DOCK2: variants seen among roughly 807,000 people sequenced by gnomAD.
DOCK2 encodes dedicator of cytokinesis 2.
In DOCK2, 87 loss-of-function variants were observed where a neutral mutation model predicts 248.9. That is an observed-to-expected ratio of 0.35 (90% CI 0.29 to 0.42). DOCK2 has a LOEUF of 0.42. DOCK2 is among the 10% of genes least tolerant of loss of function. The pLI is 1.00. For synonymous variants in DOCK2, 805 were observed against 821.6 expected, an observed-to-expected ratio of 0.98 and a Z score of 0.35; for missense variants, 1,747 against 2,300.2, an observed-to-expected ratio of 0.76 and a Z score of 4.92.
At chr5:169,698,728 A>C (rs1760782026) in intron 11 of DOCK2, among the ~76,000 whole-genome samples, 1 of 152,264 alleles carries the variant, frequency 6.6e-6, no homozygotes, top group Non-Finnish European at 1.5e-5. Context: ...AGTAGTGAAC[A>C]AGATGGGCCC....
rs148818837 is a variant in DOCK2 at position 169,908,622 on chromosome 5, A to G, written c.2799+67770A>G. On this transcript the variant is annotated intron_variant, in intron 27 of 51. Transcript: ENST00000520908. The stretch of plus-strand genomic sequence containing the variant: ...CAACATATTGCAATATGGAATCATG[A>G]CCAATGTTGCAAAACTAAGGATACA... 1.6e-3 allele frequency among the ~76,000 whole-genome samples: 241 copies of G among 152,184 alleles called. 2 individuals carry two copies. Among genetic ancestry groups the G allele is most frequent in the African/African-American group, 5.6e-3 (232 of 41,532 alleles).
intron 36 of DOCK2, among the ~76,000 whole-genome samples, chr5:170,039,562 C>T (rs1756443662): frequency 6.6e-6 from 1 of 152,226 alleles, no homozygotes; most frequent in South Asian, 2.1e-4. Flanking sequence ...AGCACAGCAG[C>T]TATCAAATCA....
At chr5:169,810,981 TCTCTCTCTCA>T (rs374348280) in intron 26 of DOCK2, among the ~76,000 whole-genome samples, 12,125 of 141,876 alleles carry the variant, frequency 0.085, 534 homozygotes, top group African/African-American at 0.15. Flanking sequence ...ACTCTCTCTC[TCTCTCTCTCA>T]CACACACACA....
intron 1 of DOCK2, among the ~76,000 whole-genome samples, chr5:169,639,637 A>G (rs1757042466): frequency 6.6e-6 from 1 of 152,228 alleles, no homozygotes; most frequent in Non-Finnish European, 1.5e-5. Context: ...AAAGAAGGTC[A>G]TGGCTTTTCC....
intron 27 of DOCK2, among the ~76,000 whole-genome samples, chr5:169,937,848 A>G (rs1293849132): frequency 2.6e-5 from 4 of 152,178 alleles, no homozygotes; most frequent in Admixed American, 2.6e-4. Context: ...CACTGAAATC[A>G]AATATTTCTT....
At chr5:169,838,795 A>C (rs1769758549) in intron 26 of DOCK2, among the ~76,000 whole-genome samples, 1 of 152,210 alleles carries the variant, frequency 6.6e-6, no homozygotes, top group Non-Finnish European at 1.5e-5. Context: ...AGGGCTAGAG[A>C]GTCTGGGAGT....
intron 27 of DOCK2, among the ~76,000 whole-genome samples, chr5:169,972,409 A>AT (rs879924245): frequency 6.6e-6 from 1 of 152,188 alleles, no homozygotes; most frequent in Admixed American, 6.5e-5. Flanking sequence ...ATTGTAGGAT[A>AT]TTTTAGCAGC....
chr5:169,747,349 G>T (rs751797583), intron 22 of DOCK2, 47 bp from the exon 23 acceptor site: 5 of 1,549,712 alleles, frequency 3.2e-6, no homozygotes, highest in Non-Finnish European at 4.4e-6. Flanking sequence ...ACTTTTAAAA[G>T]TATTGTCTGT....
chr5:169,747,288 C>G, intron 22 of DOCK2, 108 bp from the exon 23 acceptor site: 1 of 945,690 alleles, frequency 1.1e-6, no homozygotes, highest in Non-Finnish European at 1.6e-6. Context: ...AAGTCCCCAC[C>G]TCCCACTCCT....
intron 27 of DOCK2, among the ~76,000 whole-genome samples, chr5:169,902,984 GC>G (rs1294698624): frequency 2.0e-5 from 3 of 152,078 alleles, no homozygotes; most frequent in Middle Eastern, 3.2e-3. Context: ...TGTAGTCCCA[GC>G]TACTCGGGAG....
At chr5:169,966,237 T>C (rs1325434643) in intron 27 of DOCK2, among the ~76,000 whole-genome samples, 4 of 152,312 alleles carry the variant, frequency 2.6e-5, no homozygotes, top group South Asian at 2.1e-4. Context: ...CATTGGTTGG[T>C]TGCTTCATAA....
intron 27 of DOCK2, among the ~76,000 whole-genome samples, chr5:169,893,204 C>A (rs1388921250): frequency 6.6e-6 from 1 of 152,230 alleles, no homozygotes; most frequent in Admixed American, 6.5e-5. Flanking sequence ...AGGGACAATT[C>A]TGTGGTACAT....
At chr5:169,665,648 G>T (rs1758683174) in intron 2 of DOCK2, among the ~76,000 whole-genome samples, 2 of 151,660 alleles carry the variant, frequency 1.3e-5, no homozygotes, top group African/African-American at 2.4e-5. Flanking sequence ...TTGTACCTTT[G>T]CCAGATGCAT....
At chr5:169,884,115 T>G (rs1772834225) in intron 27 of DOCK2, 1 of 404,192 alleles carries the variant, frequency 2.5e-6, no homozygotes, top group Non-Finnish European at 4.4e-6. Flanking sequence ...GCAGTTAAAA[T>G]ATTAATTCAT....
chr5:169,997,813 A>G (rs1394175278), intron 30 of DOCK2, among the ~76,000 whole-genome samples: 1 of 152,120 alleles, frequency 6.6e-6, no homozygotes, highest in Non-Finnish European at 1.5e-5. Flanking sequence ...TAACAATCTG[A>G]TCTCTCTTGC....
intron 27 of DOCK2, among the ~76,000 whole-genome samples, chr5:169,920,937 A>C (rs1278163033): frequency 6.6e-6 from 1 of 152,188 alleles, no homozygotes; most frequent in Non-Finnish European, 1.5e-5. Flanking sequence ...AAATATAGTT[A>C]AACAGTTTAT....
chr5:169,872,317 A>G (rs1249126786), intron 27 of DOCK2, among the ~76,000 whole-genome samples: 2 of 152,222 alleles, frequency 1.3e-5, no homozygotes, highest in Non-Finnish European at 2.9e-5. Context: ...GACACTTTGG[A>G]AGGCATCTCT....
intron 27 of DOCK2, among the ~76,000 whole-genome samples, chr5:169,878,480 A>C (rs1350491237): frequency 6.6e-6 from 1 of 152,232 alleles, no homozygotes; most frequent in African/African-American, 2.4e-5. Flanking sequence ...AAAAGTAAAA[A>C]TGATTGTATT....
intron 27 of DOCK2, chr5:169,884,371 G>C (rs766410415): frequency 8.5e-5 from 13 of 153,062 alleles, no homozygotes; most frequent in Non-Finnish European, 1.6e-4. Context: ...TTGTTTCCCA[G>C]AGCATTAATT....
Sources: allele counts gnomAD v4.1 joint callset (sites outside exome capture counted in the v4.1 genomes callset), GRCh38; gene constraint gnomAD v4.1.1; transcripts MANE v1.5; gene names NCBI Gene and HGNC (gene_info 2026-07-23, HGNC 2026-07-21).